LHFPL3: variants seen among roughly 807,000 people sequenced by gnomAD.
The protein encoded by LHFPL3 is LHFPL tetraspan subfamily member 3, also known as LHFPL tetraspan subfamily member 3 protein.
Under a neutral mutation model 19.3 loss-of-function variants are expected in LHFPL3, and 5 were observed. The observed-to-expected ratio is 0.26, with a 90% CI of 0.14 to 0.54. The LOEUF is 0.54. Among genes scored for constraint, LHFPL3 ranks in the 20% least tolerant of loss-of-function variants. The pLI is 0.94. For synonymous variants in LHFPL3, 133 were observed against 126.2 expected (o/e 1.05, Z -0.36); for missense variants, 249 against 307.4 (o/e 0.81, Z 1.42).
At chr7:104,591,528 C>T (rs184595089) in intron 1 of LHFPL3, among the ~76,000 whole-genome samples, 6,555 of 152,264 alleles carry the variant, frequency 0.043, 163 homozygotes, top group African/African-American at 0.062. Context: ...CCCGACCTTT[C>T]TCTCTGGCTG....
In LHFPL3 at chr7:104,431,193, T is replaced by G. The variant is rs564006928; in HGVS notation, c.445+101969T>G. 1.2e-4 allele frequency among the ~76,000 whole-genome samples: 18 copies of G among 152,314 alleles called. No individual in the cohort carries two copies. The South Asian group carries it at 3.3e-3, about 28-fold the overall frequency. On this transcript the variant is annotated intron_variant, in intron 1 of 2. Coordinates refer to ENST00000424859, the MANE Select transcript of LHFPL3 (RefSeq NM_199000.3). ...TCACTCATTCTTAAATCCATTGCCA[T>G]CTACTTTAGCCCCTACTGCTTTTGT...
At chr7:104,593,680 CT>C (rs1216342008) in intron 1 of LHFPL3, among the ~76,000 whole-genome samples, 2 of 152,144 alleles carry the variant, frequency 1.3e-5, no homozygotes, top group African/African-American at 2.4e-5. Flanking sequence ...GTCTAAGTCT[CT>C]TTGTAGGTCT....
chr7:104,634,345 C>T (rs1241411546), intron 1 of LHFPL3, among the ~76,000 whole-genome samples: 1 of 152,124 alleles, frequency 6.6e-6, no homozygotes, highest in Admixed American at 6.5e-5. Context: ...GTAGACATCC[C>T]CTTCTCATTG....
At chr7:104,574,104 T>C (rs930293996) in intron 1 of LHFPL3, among the ~76,000 whole-genome samples, 1 of 152,210 alleles carries the variant, frequency 6.6e-6, no homozygotes, top group Non-Finnish European at 1.5e-5. Flanking sequence ...TGAAAAAGCC[T>C]GACAAAATTA....
chr7:104,790,712 T>G (rs565340779), intron 2 of LHFPL3, among the ~76,000 whole-genome samples: 1 of 152,322 alleles, frequency 6.6e-6, no homozygotes, highest in South Asian at 2.1e-4. Context: ...GACATTCTAG[T>G]GCAGTGAAAT....
intron 1 of LHFPL3, among the ~76,000 whole-genome samples, chr7:104,673,530 C>T (rs1206386874): frequency 1.3e-5 from 2 of 152,174 alleles, no homozygotes; most frequent in Non-Finnish European, 2.9e-5. Flanking sequence ...TGAAATCTGA[C>T]CTCAAATGGA....
At chr7:104,612,805 C>A (rs1156378477) in intron 1 of LHFPL3, among the ~76,000 whole-genome samples, 1 of 152,150 alleles carries the variant, frequency 6.6e-6, no homozygotes, top group East Asian at 1.9e-4. Flanking sequence ...ACCTGACTTG[C>A]CAAATTATTC....
At chr7:104,447,506 GGC>G (rs1792351913) in intron 1 of LHFPL3, among the ~76,000 whole-genome samples, 5 of 152,098 alleles carry the variant, frequency 3.3e-5, no homozygotes, top group Non-Finnish European at 5.9e-5. Context: ...AAGTCAAAAA[GGC>G]AGTCAGTTTC....
chr7:104,693,244 C>T (rs1444099492), intron 1 of LHFPL3, among the ~76,000 whole-genome samples: 1 of 152,212 alleles, frequency 6.6e-6, no homozygotes, highest in Non-Finnish European at 1.5e-5. Flanking sequence ...TTTGATTTCA[C>T]AGGCAGAAGG....
intron 1 of LHFPL3, among the ~76,000 whole-genome samples, chr7:104,331,936 C>T (rs1161426441): frequency 1.3e-5 from 2 of 150,748 alleles, no homozygotes; most frequent in Admixed American, 6.6e-5. Flanking sequence ...GGAAACAGAG[C>T]GAGACCCCAT....
intron 1 of LHFPL3, among the ~76,000 whole-genome samples, chr7:104,461,503 C>T (rs1367350861): frequency 2.6e-5 from 4 of 152,192 alleles, no homozygotes; most frequent in Non-Finnish European, 5.9e-5. Context: ...TGATGAAGAT[C>T]AGATGGTTAT....
At chr7:104,672,137 G>A (rs1792498148) in intron 1 of LHFPL3, among the ~76,000 whole-genome samples, 1 of 151,548 alleles carries the variant, frequency 6.6e-6, no homozygotes, top group Non-Finnish European at 1.5e-5. Context: ...GTGTATGCAG[G>A]GCTGACATTC....
intron 1 of LHFPL3, among the ~76,000 whole-genome samples, chr7:104,718,360 A>G (rs1793429818): frequency 6.6e-6 from 1 of 152,220 alleles, no homozygotes; most frequent in Admixed American, 6.5e-5. Flanking sequence ...TGTTTTAGGA[A>G]AGTGGCTAGA....
chr7:104,583,199 A>G (rs998350085), intron 1 of LHFPL3, among the ~76,000 whole-genome samples: 2 of 152,170 alleles, frequency 1.3e-5, no homozygotes, highest in Non-Finnish European at 2.9e-5. Flanking sequence ...TGACAAAAAC[A>G]AGCAATGGGG....
intron 2 of LHFPL3, among the ~76,000 whole-genome samples, chr7:104,848,163 T>C (rs1791347231): frequency 6.6e-6 from 1 of 152,208 alleles, no homozygotes; most frequent in South Asian, 2.1e-4. Context: ...GCAGCTCATC[T>C]GGCTGGAAGG....
chr7:104,518,229 A>G (rs1027104556), intron 1 of LHFPL3, among the ~76,000 whole-genome samples: 1 of 152,320 alleles, frequency 6.6e-6, no homozygotes, highest in East Asian at 1.9e-4. Context: ...TTATATTACT[A>G]CTAATAATTA....
intron 1 of LHFPL3, among the ~76,000 whole-genome samples, chr7:104,675,457 A>G (rs1792572100): frequency 6.6e-6 from 1 of 152,180 alleles, no homozygotes. Context: ...CAAGCCCCTG[A>G]AAGTCTTGAG....
At chr7:104,723,494 G>A (rs1326101634) in intron 1 of LHFPL3, among the ~76,000 whole-genome samples, 1 of 151,960 alleles carries the variant, frequency 6.6e-6, no homozygotes, top group East Asian at 1.9e-4. Flanking sequence ...GGCAGAGGTG[G>A]GTGGATCACT....
chr7:104,384,126 G>C (rs1311664496), intron 1 of LHFPL3, among the ~76,000 whole-genome samples: 1 of 152,120 alleles, frequency 6.6e-6, no homozygotes, highest in South Asian at 2.1e-4. Context: ...TGGTGACAAA[G>C]GATATTAAAT....
Sources: gnomAD v4.1 joint callset for allele counts (sites outside exome capture counted in the v4.1 genomes callset) on GRCh38, gnomAD v4.1.1 for gene constraint, MANE v1.5 for transcripts, NCBI Gene and HGNC (gene_info 2026-07-23, HGNC 2026-07-21) for gene names.